The following PCMTD1 variants were observed in gnomAD, a reference collection of about 807,000 sequenced individuals.
PCMTD1 encodes the protein protein-L-isoaspartate (D-aspartate) O-methyltransferase domain containing 1.
Under a neutral mutation model 37.6 loss-of-function variants are expected in PCMTD1, and 12 were observed. That is an observed-to-expected ratio of 0.32 (90% CI 0.20 to 0.52). PCMTD1 has a LOEUF of 0.52. Among genes scored for constraint, PCMTD1 ranks in the 20% least tolerant of loss-of-function variants. The pLI is 0.97. For synonymous variants in PCMTD1, 117 were observed against 135.8 expected, an observed-to-expected ratio of 0.86 and a Z score of 0.96; for missense variants, 235 against 421.3, an observed-to-expected ratio of 0.56 and a Z score of 3.87.
intron 3 of PCMTD1, among the ~76,000 whole-genome samples, chr8:51,836,154 G>A (rs563086400): frequency 2.0e-5 from 3 of 152,302 alleles, no homozygotes; most frequent in East Asian, 1.9e-4. Context: ...GGGGATCAGA[G>A]AAGGGCTCCC....
At chr8:51,890,218 T>C (rs13270817) in intron 1 of PCMTD1, among the ~76,000 whole-genome samples, 9,404 of 152,258 alleles carry the variant, frequency 0.062, 380 homozygotes, top group Non-Finnish European at 0.088. Flanking sequence ...AATTACTCTA[T>C]TTACAGGGAA....
intron 5 of PCMTD1, 59 bp downstream of exon 5, chr8:51,831,385 G>T: frequency 6.7e-7 from 1 of 1,499,934 alleles, no homozygotes; most frequent in Non-Finnish European, 9.1e-7. Flanking sequence ...TAAATCCCAA[G>T]CATAAAAGCC....
intron 5 of PCMTD1, among the ~76,000 whole-genome samples, chr8:51,823,615 G>A (rs1234885526): frequency 2.6e-5 from 4 of 152,092 alleles, no homozygotes; most frequent in Non-Finnish European, 5.9e-5. Context: ...TAACAGATAA[G>A]ACAATACTAA....
intron 3 of PCMTD1, among the ~76,000 whole-genome samples, chr8:51,836,214 C>G (rs538548573): frequency 7.1e-4 from 108 of 152,286 alleles, no homozygotes; most frequent in Non-Finnish European, 1.3e-3. Flanking sequence ...CAATCTAGAG[C>G]TGCACTATCA....
At chr8:51,831,123 C>T (rs914830004) in intron 5 of PCMTD1, among the ~76,000 whole-genome samples, 1 of 151,936 alleles carries the variant, frequency 6.6e-6, no homozygotes, top group Non-Finnish European at 1.5e-5. Context: ...CATGGTGAAA[C>T]AGCGTCTCTT....
chr8:51,862,709 G>C (rs758055211), intron 1 of PCMTD1, among the ~76,000 whole-genome samples: 7 of 152,162 alleles, frequency 4.6e-5, no homozygotes, highest in Non-Finnish European at 8.8e-5. Context: ...CACGAGGGCA[G>C]CTCCCCTAAC....
intron 5 of PCMTD1, among the ~76,000 whole-genome samples, chr8:51,829,558 G>A (rs2037970084): frequency 6.6e-6 from 1 of 152,146 alleles, no homozygotes; most frequent in Non-Finnish European, 1.5e-5. Flanking sequence ...CTGAAACTGG[G>A]TGGGTGGTTG....
At chr8:51,898,296 C>CTCCCCATGCCGGTGTCTGAAAT (rs2039038580) in intron 1 of PCMTD1, among the ~76,000 whole-genome samples, 1 of 152,114 alleles carries the variant, frequency 6.6e-6, no homozygotes, top group Non-Finnish European at 1.5e-5. Flanking sequence ...CCCGTGGGTC[C>CTCCCCATGCCGGTGTCTGAAAT]TCCCCATGCC....
intron 3 of PCMTD1, among the ~76,000 whole-genome samples, chr8:51,842,041 G>A (rs2038154238): frequency 6.6e-6 from 1 of 152,060 alleles, no homozygotes; most frequent in Non-Finnish European, 1.5e-5. Flanking sequence ...GGATTTGTGG[G>A]AAAAACTTGC....
intron 5 of PCMTD1, among the ~76,000 whole-genome samples, chr8:51,824,531 T>G (rs2037893802): frequency 6.6e-6 from 1 of 152,160 alleles, no homozygotes; most frequent in Non-Finnish European, 1.5e-5. Flanking sequence ...AAATCACTGT[T>G]CAAGGAAATA....
intron 1 of PCMTD1, among the ~76,000 whole-genome samples, chr8:51,870,702 T>C (rs10086351): frequency 0.69 from 104,517 of 152,148 alleles, 42,388 homozygotes; most frequent in Non-Finnish European, 0.9. Flanking sequence ...TGTGAAGCTA[T>C]GAAACCCTCT....
At chr8:51,825,076 A>T (rs938943518) in intron 5 of PCMTD1, among the ~76,000 whole-genome samples, 4 of 152,244 alleles carry the variant, frequency 2.6e-5, no homozygotes, top group African/African-American at 9.6e-5. Context: ...TCTAAGACAT[A>T]AAACCATAAA....
Position 51,817,977 on chromosome 8 carries a change from TA to T in PCMTD1, c.*2373del, listed in dbSNP as rs2037783349. ...TGATACTTACTGTTTTAACTAGCTATAAAATTCCAATACTATATTCCCCATC... is the reference window on the plus strand; with the variant it reads ...TGATACTTACTGTTTTAACTAGCTATAAATTCCAATACTATATTCCCCATC... On this transcript the variant is annotated 3_prime_UTR_variant, in exon 6 of 6. Transcript: ENST00000522514. 1 of 456,454 alleles carries T rather than the reference TA, an allele frequency of 2.2e-6. No homozygotes were observed. Among genetic ancestry groups the T allele is most frequent in the Admixed American group, 2.4e-5 (1 of 42,544 alleles). The allele number at this position is 456,454 out of a possible 1,614,324, so 28.3% of individuals were successfully genotyped here.
chr8:51,859,944 A>T (rs1361151257), intron 2 of PCMTD1, among the ~76,000 whole-genome samples: 14 of 152,078 alleles, frequency 9.2e-5, no homozygotes, highest in Admixed American at 9.2e-4. Context: ...ATAATGCTCT[A>T]TTTTAACGTA....
chr8:51,870,034 C>G (rs550900054), intron 1 of PCMTD1, among the ~76,000 whole-genome samples: 3 of 152,094 alleles, frequency 2.0e-5, no homozygotes, highest in Admixed American at 1.3e-4. Context: ...TTTAAGGATG[C>G]CTTCTGGAGG....
chr8:51,871,331 G>A (rs1240704379), intron 1 of PCMTD1, among the ~76,000 whole-genome samples: 4 of 152,174 alleles, frequency 2.6e-5, no homozygotes, highest in African/African-American at 7.2e-5. Context: ...AAGTTAAAGC[G>A]AAGAAAAGAC....
chr8:51,873,344 C>T (rs1309786538), intron 1 of PCMTD1, among the ~76,000 whole-genome samples: 1 of 151,906 alleles, frequency 6.6e-6, no homozygotes, highest in East Asian at 1.9e-4. Context: ...GAAACCATAA[C>T]AAAAAAAGTC....
chr8:51,863,025 T>G (rs570071684), intron 1 of PCMTD1, among the ~76,000 whole-genome samples: 1 of 73,484 alleles, frequency 1.4e-5, no homozygotes, highest in Non-Finnish European at 5.3e-5. Flanking sequence ...AGCATTTCAA[T>G]ACTTTTTTTT....
At chr8:51,854,349 C>G (rs548993524) in intron 2 of PCMTD1, among the ~76,000 whole-genome samples, 11 of 148,870 alleles carry the variant, frequency 7.4e-5, no homozygotes, top group African/African-American at 2.7e-4. Context: ...ACGACTTCTA[C>G]TCCACAACCA....
Sources: allele counts gnomAD v4.1 joint callset (sites outside exome capture counted in the v4.1 genomes callset), GRCh38; gene constraint gnomAD v4.1.1; transcripts MANE v1.5; gene names NCBI Gene and HGNC (gene_info 2026-07-23, HGNC 2026-07-21).